Variants in KMT2C observed in about 807,000 individuals in gnomAD.
KMT2C encodes the protein lysine methyltransferase 2C, also known as histone-lysine N-methyltransferase 2C.
In KMT2C, 88 loss-of-function variants were observed where a neutral mutation model predicts 507.9. That is an observed-to-expected ratio of 0.17 (90% CI 0.15 to 0.21). The LOEUF (loss-of-function observed/expected upper bound fraction) is 0.21. Among genes scored for constraint, KMT2C ranks in the 10% least tolerant of loss-of-function variants. The pLI is 1.00. For missense variants in KMT2C, 4,954 were observed against 5,957.8 expected (o/e 0.83, Z 5.55); for synonymous variants, 2,049 against 2,080.8 (o/e 0.98, Z 0.42).
chr7:152,427,685 A>G (rs1372076745), intron 1 of KMT2C, among the ~76,000 whole-genome samples: 3 of 152,146 alleles, frequency 2.0e-5, no homozygotes, highest in Admixed American at 6.5e-5. Context: ...CTGGTCCCCT[A>G]TCTCCTAAGG....
chr7:152,292,549 G>A (rs1051004427), intron 6 of KMT2C, among the ~76,000 whole-genome samples: 4 of 152,128 alleles, frequency 2.6e-5, no homozygotes, highest in African/African-American at 7.2e-5. Context: ...GATTTCCTGT[G>A]TCATAAAATA....
intron 6 of KMT2C, among the ~76,000 whole-genome samples, chr7:152,302,859 G>C (rs1159712997): frequency 1.3e-5 from 2 of 151,348 alleles, no homozygotes; most frequent in Non-Finnish European, 2.9e-5. Flanking sequence ...GGTTAGGCTG[G>C]TCTCGAACTC....
chr7:152,435,560 C>G, intron 1 of KMT2C, 66 bp downstream of exon 1: 1 of 1,065,120 alleles, frequency 9.4e-7, no homozygotes, highest in Non-Finnish European at 1.2e-6. Flanking sequence ...GGGGCGGGCG[C>G]CCGGTGACAG....
intron 3 of KMT2C, among the ~76,000 whole-genome samples, chr7:152,316,342 TG>T (rs1393273827): frequency 6.6e-6 from 1 of 152,126 alleles, no homozygotes; most frequent in African/African-American, 2.4e-5. Context: ...GGGAAACTGC[TG>T]GGGGTAGAGG....
At chr7:152,420,832 C>CA (rs925912873) in intron 1 of KMT2C, among the ~76,000 whole-genome samples, 1,914 of 129,348 alleles carry the variant, frequency 0.015, 45 homozygotes, top group African/African-American at 0.052. Flanking sequence ...GACTCCATCT[C>CA]AAAAAAAAAA....
chr7:152,187,080 T>C (rs1213720336), intron 33 of KMT2C, among the ~76,000 whole-genome samples, 182 bp downstream of exon 33: 1 of 152,060 alleles, frequency 6.6e-6, no homozygotes, highest in Non-Finnish European at 1.5e-5. Context: ...AATATGAGGA[T>C]GGATGCAGGG....
In KMT2C at chr7:152,177,989, A is replaced by G. The variant is rs2129115763; in HGVS notation, c.7464T>C (p.Ser2488=). 1 of 1,318,098 alleles carries G rather than the reference A, an allele frequency of 7.6e-7. No individual in the cohort carries two copies. Among genetic ancestry groups the G allele is most frequent in the South Asian group, 2.1e-5 (1 of 47,488 alleles). The allele number at this position is 1,318,098 out of a possible 1,614,324, so 81.7% of individuals were successfully genotyped here. Residue 2488 remains serine (S), a synonymous_variant, in exon 38 of 59, where the codon AGT becomes AGC. Coordinates refer to ENST00000262189, the MANE Select transcript of KMT2C (RefSeq NM_170606.3). ...HGFRFGFPGG[S]HGTMPSQERF... ...GCTCTTGACTCGGCATGGTACCATG[A>G]CTACCTCCTGGAAATCCAAATCTTT...
At chr7:152,337,905 G>A (rs2096952692) in intron 2 of KMT2C, among the ~76,000 whole-genome samples, 1 of 151,004 alleles carries the variant, frequency 6.6e-6, no homozygotes, top group South Asian at 2.1e-4. Flanking sequence ...CGCCCAGGCT[G>A]GAGTGCAGTG....
chr7:152,169,296 A>T, intron 40 of KMT2C, 47 bp from the exon 41 acceptor site: 2 of 1,017,636 alleles, frequency 2.0e-6, no homozygotes, highest in South Asian at 1.4e-5. Context: ...CATTTCAGTT[A>T]AAGGGGGGAA....
intron 1 of KMT2C, among the ~76,000 whole-genome samples, chr7:152,415,019 A>AT (rs1564175297): frequency 1.4e-5 from 2 of 146,944 alleles, no homozygotes; most frequent in Non-Finnish European, 1.5e-5. Context: ...CTAATTTTTT[A>AT]TTTTTTTGTA....
intron 27 of KMT2C, among the ~76,000 whole-genome samples, chr7:152,196,979 G>C (rs2093981691): frequency 6.6e-6 from 1 of 152,132 alleles, no homozygotes; most frequent in Admixed American, 6.5e-5. Flanking sequence ...GGAAGACTGG[G>C]TTTTATTCTG....
intron 1 of KMT2C, chr7:152,367,941 A>G: frequency 2.1e-6 from 2 of 958,994 alleles, no homozygotes; most frequent in East Asian, 4.8e-5. Context: ...CAAAGCAGAC[A>G]CACTTATACC....
Position 152,225,773 on chromosome 7 carries a change from G to C in KMT2C, c.2977-1157C>G, listed in dbSNP as rs189095028. ...AGGAGAAGGGAATGTCTAGAAGGAG[G>C]GTAGGACTTCTCCCAGAAAAAAACA... On this transcript the variant is annotated intron_variant, in intron 18 of 58. Coordinates refer to ENST00000262189, the MANE Select transcript of KMT2C (RefSeq NM_170606.3). Among the ~76,000 whole-genome samples the C allele has an allele frequency of 2.7e-3, 414 of 152,060 alleles. 3 individuals carry two copies. The highest frequency in any genetic ancestry group is 9.6e-3 in the African/African-American group (399 of 41,488).
At chr7:152,366,042 A>G (rs748975775) in intron 1 of KMT2C, among the ~76,000 whole-genome samples, 2 of 152,216 alleles carry the variant, frequency 1.3e-5, no homozygotes, top group Non-Finnish European at 2.9e-5. Context: ...ACTAAGATAT[A>G]CCACCTCACA....
chr7:152,200,999 C>CT lies in KMT2C; in HGVS notation c.4093-1541dup, dbSNP rs1292798518. On this transcript the variant is annotated intron_variant, in intron 26 of 58. Transcript: ENST00000262189. ...GATTCATTTCTTATAATAAGCAATGCTTTTATCATTAGAAAAAATGATGAA... is the reference window on the plus strand; with the variant it reads ...GATTCATTTCTTATAATAAGCAATGCTTTTTATCATTAGAAAAAATGATGAA... Among the ~76,000 whole-genome samples the CT allele has an allele frequency of 2.6e-5, 4 of 152,116 alleles. No individual in the cohort carries two copies. In the South Asian group the frequency reaches 6.2e-4, roughly 24 times the overall value.
At chr7:152,306,043 G>A (rs1296347522) in intron 6 of KMT2C, among the ~76,000 whole-genome samples, 1 of 152,116 alleles carries the variant, frequency 6.6e-6, no homozygotes, top group Admixed American at 6.5e-5. Flanking sequence ...GTATGTCTGT[G>A]TAAATATTAA....
chr7:152,325,947 A>G (rs2096824705), intron 3 of KMT2C, among the ~76,000 whole-genome samples: 2 of 150,574 alleles, frequency 1.3e-5, no homozygotes, highest in Admixed American at 1.3e-4. Context: ...TAATTGTTCT[A>G]GCACAATTGT....
chr7:152,192,606 T>C (rs1186994026), intron 31 of KMT2C, among the ~76,000 whole-genome samples: 1 of 151,836 alleles, frequency 6.6e-6, no homozygotes, highest in Non-Finnish European at 1.5e-5. Flanking sequence ...ATGATAAGTA[T>C]ATTACCCAAA....
At chr7:152,187,687 A>C in intron 32 of KMT2C, 28 bp downstream of exon 32, 2 of 1,598,860 alleles carry the variant, frequency 1.3e-6, no homozygotes, top group Non-Finnish European at 8.5e-7. Flanking sequence ...AGTGCAATTT[A>C]AGTTTCCATA....
Sources: gnomAD v4.1 joint callset for allele counts (sites outside exome capture counted in the v4.1 genomes callset) on GRCh38, gnomAD v4.1.1 for gene constraint, MANE v1.5 for transcripts, NCBI Gene and HGNC (gene_info 2026-07-23, HGNC 2026-07-21) for gene names.